CFAP44: variants seen among roughly 807,000 people sequenced by gnomAD.
The protein encoded by CFAP44 is cilia and flagella associated protein 44.
Under a neutral mutation model 216.2 loss-of-function variants are expected in CFAP44, and 134 were observed. That is an observed-to-expected ratio of 0.62 (90% CI 0.54 to 0.72). The LOEUF is 0.72. Ranked by LOEUF, CFAP44 falls within the 30% of genes least tolerant of loss-of-function variation. The pLI, the probability that CFAP44 is intolerant of heterozygous loss-of-function variation, is 0.00. For missense variants in CFAP44, 2,035 were observed against 2,182.1 expected, an observed-to-expected ratio of 0.93 and a Z score of 1.34; for synonymous variants, 700 against 727.6, an observed-to-expected ratio of 0.96 and a Z score of 0.61.
chr3:113,416,032 C>T (rs533103858), intron 6 of CFAP44, among the ~76,000 whole-genome samples: 8 of 152,204 alleles, frequency 5.3e-5, no homozygotes, highest in South Asian at 4.2e-4. Context: ...TTTTATGAAT[C>T]GGGGTGCTCT....
chr3:113,393,168 G>C (rs1028392416), intron 15 of CFAP44, among the ~76,000 whole-genome samples: 1 of 152,164 alleles, frequency 6.6e-6, no homozygotes, highest in Non-Finnish European at 1.5e-5. Flanking sequence ...TTGCAATTTG[G>C]ACAATTAAAG....
At chr3:113,317,241 CAG>C (rs1230941076) in intron 28 of CFAP44, among the ~76,000 whole-genome samples, 1 of 152,244 alleles carries the variant, frequency 6.6e-6, no homozygotes, top group Non-Finnish European at 1.5e-5. Context: ...AGGGAGCAGG[CAG>C]AGACTGGCCT....
intron 31 of CFAP44, among the ~76,000 whole-genome samples, chr3:113,304,827 T>C (rs1949969697): frequency 1.3e-5 from 2 of 152,214 alleles, no homozygotes; most frequent in South Asian, 4.1e-4. Context: ...AAAGTGCTAA[T>C]GGGCCACAGG....
chr3:113,362,973 T>TA, intron 21 of CFAP44, 172 bp downstream of exon 21: 1 of 1,363,166 alleles, frequency 7.3e-7, no homozygotes, highest in Non-Finnish European at 9.4e-7. Context: ...TTAAAAGGGA[T>TA]AAACCCCACA....
At chr3:113,327,094 TTTC>T (rs1950195686) in intron 27 of CFAP44, among the ~76,000 whole-genome samples, 2 of 152,144 alleles carry the variant, frequency 1.3e-5, no homozygotes, top group Non-Finnish European at 1.5e-5. Context: ...TAATAGAATC[TTTC>T]TTATTTTAAA....
chr3:113,318,626 A>G (rs1249943519), intron 28 of CFAP44, among the ~76,000 whole-genome samples: 2 of 152,202 alleles, frequency 1.3e-5, no homozygotes, highest in Non-Finnish European at 2.9e-5. Context: ...CACAGTCATC[A>G]GATTCACCAA....
intron 4 of CFAP44, among the ~76,000 whole-genome samples, chr3:113,421,982 TA>T (rs1362215664): frequency 2.6e-5 from 4 of 151,986 alleles, no homozygotes; most frequent in Non-Finnish European, 4.4e-5. Flanking sequence ...CCTCTGTATC[TA>T]AAATAAATAT....
intron 17 of CFAP44, among the ~76,000 whole-genome samples, chr3:113,377,517 C>CA (rs1293215729): frequency 1.6e-4 from 24 of 149,976 alleles, no homozygotes; most frequent in South Asian, 4.2e-4. Flanking sequence ...ATATAAAATG[C>CA]AAAAAAAACC....
intron 17 of CFAP44, among the ~76,000 whole-genome samples, chr3:113,377,980 A>C (rs1933399037): frequency 6.6e-6 from 1 of 152,120 alleles, no homozygotes; most frequent in South Asian, 2.1e-4. Flanking sequence ...AGTATGTACT[A>C]TGTAATTTTA....
chr3:113,371,096 G>A (rs780473739), intron 18 of CFAP44, among the ~76,000 whole-genome samples: 3 of 152,144 alleles, frequency 2.0e-5, no homozygotes, highest in Non-Finnish European at 4.4e-5. Context: ...CAAACAAATG[G>A]AAGAACATTC....
intron 28 of CFAP44, among the ~76,000 whole-genome samples, chr3:113,321,651 A>T (rs1256266467): frequency 6.6e-6 from 1 of 152,264 alleles, no homozygotes; most frequent in African/African-American, 2.4e-5. Context: ...TACAACTGGT[A>T]AATATTTTTA....
chr3:113,303,810 G>T, intron 32 of CFAP44, 106 bp downstream of exon 32: 1 of 1,209,802 alleles, frequency 8.3e-7, no homozygotes, highest in Non-Finnish European at 1.1e-6. Flanking sequence ...CTTCTCAGTG[G>T]TTCTGAGTCT....
At chr3:113,441,068 C>T (rs1935349577) in intron 1 of CFAP44, among the ~76,000 whole-genome samples, 1 of 152,152 alleles carries the variant, frequency 6.6e-6, no homozygotes, top group Non-Finnish European at 1.5e-5. Flanking sequence ...ATGAGGAAGC[C>T]GAAGTGCAGA....
intron 32 of CFAP44, among the ~76,000 whole-genome samples, chr3:113,302,756 G>C (rs1407432254): frequency 1.6e-5 from 2 of 128,798 alleles, no homozygotes; most frequent in African/African-American, 5.8e-5. Context: ...CTGGGCGATA[G>C]AGTGAGACTC....
intron 18 of CFAP44, 113 bp downstream of exon 18, chr3:113,373,298 T>G: frequency 9.5e-7 from 1 of 1,053,324 alleles, no homozygotes; most frequent in Non-Finnish European, 1.3e-6. Flanking sequence ...AAATATTTTT[T>G]GAGTACCCCT....
chr3:113,355,799 G>T (rs903213188), intron 22 of CFAP44, among the ~76,000 whole-genome samples: 11 of 151,194 alleles, frequency 7.3e-5, no homozygotes, highest in African/African-American at 2.4e-4. Context: ...AAAAATTTAA[G>T]TATATACAGA....
At chr3:113,340,563 C>T (rs542379039) in intron 24 of CFAP44, among the ~76,000 whole-genome samples, 55 of 152,260 alleles carry the variant, frequency 3.6e-4, no homozygotes, top group Admixed American at 9.8e-4. Context: ...GCAGGGTGTG[C>T]GATGGGGGTG....
chr3:113,365,982 A>G, intron 19 of CFAP44, 57 bp downstream of exon 19: 3 of 1,517,704 alleles, frequency 2.0e-6, no homozygotes, highest in South Asian at 2.6e-5. Context: ...AACAATTTTA[A>G]TATCACTATT....
At chr3:113,294,951 G>A (rs1435635359) in intron 33 of CFAP44, 130 bp from the exon 34 acceptor site, 1 of 1,137,364 alleles carries the variant, frequency 8.8e-7, no homozygotes. Flanking sequence ...ATAATCAGAA[G>A]CCAATATGAA....
Sources: gnomAD v4.1 joint callset for allele counts (sites outside exome capture counted in the v4.1 genomes callset) on GRCh38, gnomAD v4.1.1 for gene constraint, MANE v1.5 for transcripts, NCBI Gene and HGNC (gene_info 2026-07-23, HGNC 2026-07-21) for gene names.